Variants in SLC7A8 observed in about 807,000 individuals in gnomAD.
SLC7A8 encodes large neutral amino acids transporter small subunit 2.
SLC7A8 carries 30 observed loss-of-function variants against 51.2 expected under a neutral mutation model. The observed-to-expected ratio is 0.59, with a 90% confidence interval of 0.44 to 0.80. The LOEUF (loss-of-function observed/expected upper bound fraction) is 0.80. Among genes scored for constraint, SLC7A8 ranks in the 30% least tolerant of loss-of-function variants. The probability of loss-of-function intolerance (pLI) is 0.00; values close to 1 mark genes in which losing one functional copy is unlikely to be tolerated. For missense variants in SLC7A8, 612 were observed against 674.4 expected (o/e 0.91, Z 1.03); for synonymous variants, 257 against 275.8 (o/e 0.93, Z 0.67).
intron 3 of SLC7A8, among the ~76,000 whole-genome samples, chr14:23,156,693 TA>T (rs1198072916): frequency 6.6e-6 from 1 of 152,186 alleles, no homozygotes; most frequent in African/African-American, 2.4e-5. Flanking sequence ...TACAAGAAAG[TA>T]GGCAAATCTC....
intron 3 of SLC7A8, among the ~76,000 whole-genome samples, chr14:23,150,010 C>T (rs2048832443): frequency 6.6e-6 from 1 of 152,136 alleles, no homozygotes; most frequent in South Asian, 2.1e-4. Flanking sequence ...TGCATAATGA[C>T]TAAATCATCT....
chr14:23,152,517 C>A (rs557749600), intron 3 of SLC7A8, among the ~76,000 whole-genome samples: 2 of 151,812 alleles, frequency 1.3e-5, no homozygotes, highest in African/African-American at 2.4e-5. Flanking sequence ...CCTCCCCAGA[C>A]TCAGGTGATC....
chr14:23,163,014 T>C (rs2048932016), intron 3 of SLC7A8, among the ~76,000 whole-genome samples: 1 of 152,174 alleles, frequency 6.6e-6, no homozygotes, highest in African/African-American at 2.4e-5. Context: ...TTCTGTGGCC[T>C]TGCCTCCCAC....
chr14:23,167,592 A>G (rs1023888175), intron 1 of SLC7A8, among the ~76,000 whole-genome samples: 3 of 152,036 alleles, frequency 2.0e-5, no homozygotes, highest in African/African-American at 7.2e-5. Flanking sequence ...AAGAGTGTGG[A>G]GGCCGTTCCT....
At chr14:23,161,909 AGAGT>A in intron 3 of SLC7A8, among the ~76,000 whole-genome samples, 1 of 131,642 alleles carries the variant, frequency 7.6e-6, no homozygotes, top group African/African-American at 2.9e-5. Flanking sequence ...CCTGGGTGAC[AGAGT>A]GAGACTCCAT....
At chr14:23,127,879 C>G in intron 10 of SLC7A8, 140 bp downstream of exon 10, 2 of 732,754 alleles carry the variant, frequency 2.7e-6, no homozygotes, top group South Asian at 3.8e-5. Flanking sequence ...TTCCCCTGCT[C>G]TGGACTCTTC....
chr14:23,142,229 A>G (rs1156504118), intron 4 of SLC7A8, among the ~76,000 whole-genome samples: 2 of 152,204 alleles, frequency 1.3e-5, no homozygotes, highest in Admixed American at 6.5e-5. Context: ...TCCGTGAGGC[A>G]GTGACGCTGG....
intron 1 of SLC7A8, among the ~76,000 whole-genome samples, chr14:23,180,194 C>T (rs1345219306): frequency 6.6e-6 from 1 of 152,216 alleles, no homozygotes. Context: ...GTGTGAGCCA[C>T]CGCACCCGGC....
At chr14:23,159,444 A>G (rs2048910112) in intron 3 of SLC7A8, among the ~76,000 whole-genome samples, 1 of 152,242 alleles carries the variant, frequency 6.6e-6, no homozygotes, top group Admixed American at 6.5e-5. Flanking sequence ...ATTTGTCTGA[A>G]TTCATATAAA....
chr14:23,136,340 G>C (rs2048689733), intron 7 of SLC7A8, among the ~76,000 whole-genome samples: 1 of 152,206 alleles, frequency 6.6e-6, no homozygotes, highest in African/African-American at 2.4e-5. Flanking sequence ...CACATAGCCA[G>C]GGTCCTGCAC....
rs2048945241 is a variant in SLC7A8, at chr14:23,165,530, T to C, written c.357-94A>G. 7.4e-7 allele frequency: 1 copy of C among 1,353,246 alleles called. No individual in the cohort carries two copies. The highest frequency in any genetic ancestry group is 1.4e-5 in the South Asian group (1 of 69,992). The allele number at this position is 1,353,246 out of a possible 1,614,324, so 83.8% of individuals were successfully genotyped here. ...GCAAGTCATGCATCTCTTTTTTATT[T>C]TCAAGGATGCTGAAGAGCCCAGCCT... On this transcript the variant is annotated intron_variant, in intron 2 of 10. Coordinates refer to ENST00000316902, the MANE Select transcript of SLC7A8 (RefSeq NM_012244.4). This position sits in a 1 kb window ranked among gnomAD's most constrained non-coding sequence, Gnocchi z 4.2.
At chr14:23,160,272 T>C (rs908807519) in intron 3 of SLC7A8, among the ~76,000 whole-genome samples, 2 of 152,114 alleles carry the variant, frequency 1.3e-5, no homozygotes, top group East Asian at 3.9e-4. Context: ...GGCTACAGGA[T>C]AAAACGGCAA....
chr14:23,128,019 C>G lies in SLC7A8; in HGVS notation c.1441G>C (p.Glu481Gln). The G allele has an allele frequency of 6.2e-7, 1 of 1,613,240 alleles. No homozygotes were observed. The highest frequency in any genetic ancestry group is 1.1e-5 in the South Asian group (1 of 90,938). ...HKPKCFSDFI[E>Q]LLTLVSQKMC... ...CCAGCCAGAGCCTCCAACAACTCAC[C>G]AATGAAGTCACTGAAACACTTGGGC... Residue 481 changes from glutamate to glutamine, a missense_variant and splice_region_variant, in exon 10 of 11, where the codon GAG (glutamate) becomes CAG (glutamine). Glu to Gln is a conservative substitution (Grantham distance 29, BLOSUM62 2). Coordinates refer to ENST00000316902, the MANE Select transcript of SLC7A8 (RefSeq NM_012244.4). This position sits in a 1 kb window ranked among gnomAD's most constrained non-coding sequence, Gnocchi z 4.3.
At chr14:23,135,059 G>T (rs548668762) in intron 7 of SLC7A8, among the ~76,000 whole-genome samples, 1 of 151,926 alleles carries the variant, frequency 6.6e-6, no homozygotes, top group Non-Finnish European at 1.5e-5. Flanking sequence ...GAGCCACCAC[G>T]CCCAGCCCTA....
At chr14:23,176,486 G>A (rs1172281015) in intron 1 of SLC7A8, among the ~76,000 whole-genome samples, 1 of 152,140 alleles carries the variant, frequency 6.6e-6, no homozygotes, top group Non-Finnish European at 1.5e-5. Context: ...TCTGGCTATG[G>A]AGTCATCTCA....
In SLC7A8 at chr14:23,154,497, C is replaced by G. The variant is rs147279373; in HGVS notation, c.508+10788G>C. Reference sequence around the variant, plus strand: ...CACCGAGTTCCTTGGCCGCCTCCCCCGCTTGTGGAAGGAACTGAGCACGTG... The same window carrying G: ...CACCGAGTTCCTTGGCCGCCTCCCCGGCTTGTGGAAGGAACTGAGCACGTG... On this transcript the variant is annotated intron_variant, in intron 3 of 10. Coordinates refer to ENST00000316902, the MANE Select transcript of SLC7A8 (RefSeq NM_012244.4). The G allele has an allele frequency of 2.3e-4, 223 of 984,114 alleles. 4 individuals carry two copies. The East Asian group carries it at 0.019, about 86-fold the overall frequency. The allele number at this position is 984,114 out of a possible 1,614,324, so 61.0% of individuals were successfully genotyped here.
intron 7 of SLC7A8, among the ~76,000 whole-genome samples, chr14:23,134,569 A>G (rs1168116476): frequency 6.6e-6 from 1 of 151,660 alleles, no homozygotes; most frequent in African/African-American, 2.4e-5. Flanking sequence ...TATTTTTCCA[A>G]TTTTTAGAGA....
chr14:23,179,678 G>A (rs1032419541), intron 1 of SLC7A8, among the ~76,000 whole-genome samples: 1 of 151,984 alleles, frequency 6.6e-6, no homozygotes, highest in East Asian at 1.9e-4. Flanking sequence ...GTGTCGTGGT[G>A]TATGCCTGTG....
At chr14:23,169,285 G>A (rs2048964696) in intron 1 of SLC7A8, among the ~76,000 whole-genome samples, 1 of 152,210 alleles carries the variant, frequency 6.6e-6, no homozygotes, top group Middle Eastern at 3.2e-3. Context: ...TTGAGCCTGG[G>A]AGGGCGAGAC....
Sources: gnomAD v4.1 joint callset for allele counts (sites outside exome capture counted in the v4.1 genomes callset) on GRCh38, gnomAD v4.1.1 for gene constraint, Gnocchi (gnomAD v3.1) non-coding constraint, MANE v1.5 for transcripts, NCBI Gene and HGNC (gene_info 2026-07-23, HGNC 2026-07-21) for gene names.